Variants in EYS observed in about 807,000 individuals in gnomAD.
EYS encodes the protein protein eyes shut homolog.
EYS carries 250 observed loss-of-function variants against 282.1 expected under a neutral mutation model. The ratio of observed to expected loss-of-function variants is 0.89; its 90% confidence interval spans 0.80 to 0.98. The LOEUF (loss-of-function observed/expected upper bound fraction) is 0.98. Ranked by LOEUF, EYS falls within the 50% of genes least tolerant of loss-of-function variation. The pLI is 0.00. For missense variants in EYS, 4,016 were observed against 3,709.0 expected (o/e 1.08, Z -2.15); for synonymous variants, 1,355 against 1,282.9 (o/e 1.06, Z -1.20).
intron 35 of EYS, among the ~76,000 whole-genome samples, chr6:63,875,807 C>A (rs182815700): frequency 6.6e-6 from 1 of 152,094 alleles, no homozygotes; most frequent in East Asian, 1.9e-4. Flanking sequence ...TCCATGGGAT[C>A]GGTGGTGATA....
chr6:64,282,358 G>A (rs1362093109), intron 30 of EYS, among the ~76,000 whole-genome samples: 1 of 152,068 alleles, frequency 6.6e-6, no homozygotes, highest in African/African-American at 2.4e-5. Context: ...TCAACCTTTT[G>A]CGTATTCTTA....
chr6:64,534,300 T>A (rs1476901107), intron 26 of EYS, among the ~76,000 whole-genome samples: 1 of 152,044 alleles, frequency 6.6e-6, no homozygotes, highest in African/African-American at 2.4e-5. Context: ...TTTTTTTAAT[T>A]TGAATTTTTA....
chr6:65,138,719 GC>G (rs1776093464), intron 12 of EYS, among the ~76,000 whole-genome samples: 1 of 151,936 alleles, frequency 6.6e-6, no homozygotes, highest in Non-Finnish European at 1.5e-5. Context: ...ACCCCCAAAT[GC>G]CTGCTTTAAC....
intron 28 of EYS, among the ~76,000 whole-genome samples, chr6:64,404,032 C>T (rs1773624049): frequency 6.6e-6 from 1 of 152,006 alleles, no homozygotes; most frequent in South Asian, 2.1e-4. Flanking sequence ...GGGTGGTTAG[C>T]CTATTACAGT....
intron 29 of EYS, among the ~76,000 whole-genome samples, chr6:64,353,259 T>C (rs1041216215): frequency 7.9e-5 from 12 of 151,538 alleles, no homozygotes; most frequent in Admixed American, 7.9e-4. Context: ...CAGTTGGAAA[T>C]AGAAAAATTT....
intron 31 of EYS, among the ~76,000 whole-genome samples, chr6:64,089,184 A>G (rs955183653): frequency 6.6e-6 from 1 of 151,780 alleles, no homozygotes. Context: ...AAAATATTAC[A>G]TTTTCCACTT....
chr6:65,596,331 G>A (rs561748205), intron 2 of EYS, among the ~76,000 whole-genome samples: 1 of 4,886 alleles, frequency 2.0e-4, no homozygotes, highest in Non-Finnish European at 3.5e-4. Flanking sequence ...TGCAGCAATA[G>A]ATAACTAATA....
intron 35 of EYS, among the ~76,000 whole-genome samples, chr6:63,876,932 T>G (rs891308056): frequency 6.6e-6 from 1 of 152,208 alleles, no homozygotes; most frequent in Non-Finnish European, 1.5e-5. Flanking sequence ...AATTTGCTAG[T>G]CTGTGTCTTT....
intron 1 of EYS, among the ~76,000 whole-genome samples, chr6:65,661,093 A>T (rs949684019): frequency 2.6e-5 from 4 of 151,822 alleles, no homozygotes; most frequent in African/African-American, 9.7e-5. Context: ...CAGCTCCTAA[A>T]CACTTTCCAA....
intron 12 of EYS, among the ~76,000 whole-genome samples, chr6:65,108,638 G>A (rs773389511): frequency 1.3e-5 from 2 of 152,032 alleles, no homozygotes; most frequent in African/African-American, 2.4e-5. Context: ...GCTTTCAAGA[G>A]GCAATTGACT....
At chr6:64,793,728 G>C (rs910045751) in intron 22 of EYS, among the ~76,000 whole-genome samples, 2 of 151,894 alleles carry the variant, frequency 1.3e-5, no homozygotes, top group South Asian at 4.1e-4. Flanking sequence ...TTCTTCATCT[G>C]TTTTATTACA....
At chr6:64,523,944 T>G (rs1025351818) in intron 26 of EYS, among the ~76,000 whole-genome samples, 6 of 151,760 alleles carry the variant, frequency 4.0e-5, no homozygotes, top group Non-Finnish European at 7.4e-5. Context: ...ATTGAATAAT[T>G]GTTTGGTTAT....
intron 35 of EYS, among the ~76,000 whole-genome samples, chr6:63,966,828 T>C (rs1766333878): frequency 6.6e-6 from 1 of 152,196 alleles, no homozygotes; most frequent in African/African-American, 2.4e-5. Context: ...ATTTTTTTAT[T>C]ATTACCTTCC....
intron 1 of EYS, among the ~76,000 whole-genome samples, chr6:65,685,993 T>C (rs1769000724): frequency 6.6e-6 from 1 of 152,020 alleles, no homozygotes; most frequent in Non-Finnish European, 1.5e-5. Context: ...CCCCATCTAC[T>C]GGAAGTGCAT....
chr6:63,939,496 A>G (rs1562105731), intron 35 of EYS, among the ~76,000 whole-genome samples: 1 of 152,220 alleles, frequency 6.6e-6, no homozygotes, highest in Non-Finnish European at 1.5e-5. Flanking sequence ...GAGTTTTACA[A>G]AGTGAATTTT....
In EYS at chr6:64,703,085, C is replaced by G. The variant is rs148504536; in HGVS notation, c.3444-76840G>C. The stretch of plus-strand genomic sequence containing the variant: ...TGTAATCACAAGCTAAGAGTAAACT[C>G]ATAAGCATTTCAAGGTTTTATGGAG... On this transcript the variant is annotated intron_variant, in intron 22 of 42. Transcript: ENST00000503581. Among the ~76,000 whole-genome samples, 77 of 151,722 alleles carry G rather than the reference C, an allele frequency of 5.1e-4. No homozygotes were observed. The East Asian group carries it at 0.01, about 20-fold the overall frequency.
chr6:65,239,853 G>A (rs1433115309), intron 12 of EYS, among the ~76,000 whole-genome samples: 2 of 151,854 alleles, frequency 1.3e-5, no homozygotes, highest in East Asian at 1.9e-4. Flanking sequence ...CTACCCTGAT[G>A]AATGTTTTAC....
intron 24 of EYS, among the ~76,000 whole-genome samples, chr6:64,598,301 A>G (rs963634352): frequency 4.6e-5 from 7 of 152,228 alleles, no homozygotes; most frequent in Non-Finnish European, 8.8e-5. Flanking sequence ...CCTACTAAAA[A>G]TACAAAAAAA....
intron 7 of EYS, among the ~76,000 whole-genome samples, chr6:65,391,389 T>A (rs1766025549): frequency 6.6e-6 from 1 of 152,124 alleles, no homozygotes; most frequent in Non-Finnish European, 1.5e-5. Context: ...TTTCCCTATG[T>A]TAAATTTCAG....
Sources: gnomAD v4.1 joint callset for allele counts (sites outside exome capture counted in the v4.1 genomes callset) on GRCh38, gnomAD v4.1.1 for gene constraint, MANE v1.5 for transcripts, NCBI Gene and HGNC (gene_info 2026-07-23, HGNC 2026-07-21) for gene names.